The following BCLAF3 variants were observed in gnomAD, a reference collection of about 807,000 sequenced individuals.
The protein encoded by BCLAF3 is transient octamer binding factor 1.
BCLAF3 carries 24 observed loss-of-function variants against 51.2 expected under a neutral mutation model. The observed-to-expected ratio is 0.47, with a 90% CI of 0.34 to 0.66. The LOEUF is 0.66. Ranked by LOEUF, BCLAF3 falls within the 30% of genes least tolerant of loss-of-function variation. The pLI, the probability that BCLAF3 is intolerant of heterozygous loss-of-function variation, is 0.01. For missense variants in BCLAF3, 465 were observed against 525.1 expected, an observed-to-expected ratio of 0.89 and a Z score of 1.12; for synonymous variants, 152 against 176.6, an observed-to-expected ratio of 0.86 and a Z score of 1.10.
chrX:19,923,310 A>G (rs2070237062), intron 11 of BCLAF3: 2 of 122,068 alleles, frequency 1.6e-5, no homozygotes, highest in South Asian at 4.2e-4. Context: ...AGTGATGGAA[A>G]TGAGAAGACT....
In BCLAF3 at chrX:19,965,704, T is replaced by C; in HGVS notation, c.614A>G (p.Tyr205Cys). The change falls in exon 4 of 12, where the codon TAT becomes TGT. Residue 205 changes from tyrosine (Y) to cysteine (C), a missense_variant and splice_region_variant. By Grantham distance (194) the Tyr-to-Cys change is radical. Coordinates refer to ENST00000379682, the MANE Select transcript of BCLAF3 (RefSeq NM_001367774.2). ...TTTTCTGAAATCACGATCCTCAGGA[T>C]ACCTGTGTTGACATAAAGCAGTTTA... ...FETRSSFQKR[Y>C]PEDRDFRKYG... is the part of the protein sequence containing the mutation. 1 of 1,131,834 alleles carries C rather than the reference T, an allele frequency of 8.8e-7. No individual in the cohort carries two copies. Among genetic ancestry groups the C allele is most frequent in the African/African-American group, 1.8e-5 (1 of 54,974 alleles). 93.3% of individuals were successfully genotyped at this position (1,131,834 alleles called of 1,213,427 possible).
intron 3 of BCLAF3, 71 bp from the exon 4 acceptor site, chrX:19,965,777 C>A: frequency 2.0e-6 from 2 of 1,000,959 alleles, no homozygotes; most frequent in Middle Eastern, 2.7e-4. Context: ...TGTAGAATGT[C>A]GGGCAGCATG....
chrX:19,939,696 A>G (rs1373446855), intron 8 of BCLAF3, among the ~76,000 whole-genome samples: 1 of 112,522 alleles, frequency 8.9e-6, no homozygotes, highest in African/African-American at 3.2e-5. Flanking sequence ...AACAAAATGT[A>G]GTACAGCCAT....
At chrX:19,975,848 T>A (rs938904725) in intron 1 of BCLAF3, among the ~76,000 whole-genome samples, 6 of 111,566 alleles carry the variant, frequency 5.4e-5, no homozygotes, top group African/African-American at 2.0e-4. Flanking sequence ...GATTCCAGAA[T>A]ACTACACTTT....
intron 1 of BCLAF3, among the ~76,000 whole-genome samples, chrX:19,990,142 GAAAAAAAAA>G (rs376381001): frequency 2.0e-5 from 1 of 50,809 alleles, no homozygotes; most frequent in African/African-American, 7.3e-5. Context: ...TTTGTTCCAG[GAAAAAAAAA>G]AAAAAAAAAA....
rs763901384 is a variant in BCLAF3 at position 19,953,013 on chromosome X, T to G, written c.1604A>C (p.Gln535Pro). Residue 535 changes from glutamine to proline, a missense_variant, in exon 7 of 12, where the codon CAA becomes CCA. Transcript: ENST00000379682. Reference sequence around the variant, plus strand: ...CTGTTCCGATTCATAGATCACAGCTTGTTTACTCTGAAGCTCGGCCAAAGA... The same window carrying G: ...CTGTTCCGATTCATAGATCACAGCTGGTTTACTCTGAAGCTCGGCCAAAGA... The part of the protein sequence containing the change: ...DMSLAELQSK[Q>P]AVIYESEQTL... 1 of 1,208,842 alleles carries G rather than the reference T, an allele frequency of 8.3e-7. No homozygotes were observed. The highest frequency in any genetic ancestry group is 2.2e-5 in the Admixed American group (1 of 45,752).
intron 8 of BCLAF3, among the ~76,000 whole-genome samples, chrX:19,941,973 G>A (rs2071070574): frequency 1.7e-5 from 1 of 58,084 alleles, no homozygotes; most frequent in East Asian, 5.0e-4. Context: ...AGTTCTCCTT[G>A]AAGAGGTCCT....
chrX:19,941,207 C>T (rs1279803215), intron 8 of BCLAF3, among the ~76,000 whole-genome samples: 1 of 108,219 alleles, frequency 9.2e-6, no homozygotes, highest in Non-Finnish European at 1.9e-5. Context: ...AAAACTTTCT[C>T]CCATGTTGTA....
At chrX:19,970,101 A>G in intron 2 of BCLAF3, 123 bp downstream of exon 2, 1 of 561,649 alleles carries the variant, frequency 1.8e-6, no homozygotes, top group East Asian at 3.3e-5. Flanking sequence ...TACAACCTCC[A>G]CTATGATAAA....
intron 11 of BCLAF3, among the ~76,000 whole-genome samples, chrX:19,919,274 T>C (rs1414311772): frequency 8.9e-6 from 1 of 112,284 alleles, no homozygotes; most frequent in African/African-American, 3.2e-5. Context: ...ATTCCTACCA[T>C]ATTGATTTTC....
chrX:19,938,011 T>C (rs1391214411), intron 8 of BCLAF3, among the ~76,000 whole-genome samples: 1 of 111,250 alleles, frequency 9.0e-6, no homozygotes, highest in Non-Finnish European at 1.9e-5. Context: ...CTGGCAGAGC[T>C]GAGGCCTCTG....
intron 1 of BCLAF3, among the ~76,000 whole-genome samples, chrX:19,985,982 G>C (rs1012231392): frequency 1.8e-5 from 2 of 109,072 alleles, no homozygotes; most frequent in South Asian, 7.8e-4. Context: ...GATGAAAGTA[G>C]AAGAAAAGAA....
At chrX:19,940,631 T>C (rs2070988815) in intron 8 of BCLAF3, among the ~76,000 whole-genome samples, 1 of 109,776 alleles carries the variant, frequency 9.1e-6, no homozygotes, top group African/African-American at 3.3e-5. Context: ...TAGTATTCCA[T>C]GGTGTATATG....
chrX:19,931,870 T>A lies in BCLAF3; in HGVS notation c.1951-1930A>T, dbSNP rs183599590. Reference sequence around the variant, plus strand: ...CTACTCCTGATTTTGCCAATAGGAGTCTACCAAGATCCAGGAAAAAGGCTC... The same window carrying A: ...CTACTCCTGATTTTGCCAATAGGAGACTACCAAGATCCAGGAAAAAGGCTC... On this transcript the variant is annotated intron_variant, in intron 10 of 11. Transcript: ENST00000379682. Among the ~76,000 whole-genome samples the A allele has an allele frequency of 3.1e-3, 344 of 111,598 alleles. 2 individuals carry two copies. Among genetic ancestry groups the A allele is most frequent in the African/African-American group, 0.011 (331 of 30,707 alleles).
intron 1 of BCLAF3, among the ~76,000 whole-genome samples, chrX:19,986,796 G>GTTT (rs758844786): frequency 2.2e-5 from 2 of 91,201 alleles, no homozygotes; most frequent in African/African-American, 3.9e-5. Flanking sequence ...ACTTGAGTCG[G>GTTT]TTTTTTTTTT....
intron 4 of BCLAF3, among the ~76,000 whole-genome samples, chrX:19,957,804 A>C (rs986488896): frequency 1.8e-5 from 2 of 112,228 alleles, no homozygotes; most frequent in Non-Finnish European, 3.8e-5. Flanking sequence ...CATTTAACAT[A>C]GTATAACCTC....
chrX:19,988,876 A>G (rs966482458), intron 1 of BCLAF3, among the ~76,000 whole-genome samples: 13 of 111,866 alleles, frequency 1.2e-4, no homozygotes, highest in Non-Finnish European at 5.6e-5. Flanking sequence ...CCTCACCTAG[A>G]TAAGCTTTCT....
intron 11 of BCLAF3, among the ~76,000 whole-genome samples, chrX:19,927,482 A>C (rs886133931): frequency 8.9e-6 from 1 of 112,421 alleles, no homozygotes; most frequent in African/African-American, 3.2e-5. Flanking sequence ...TAAGTATTTA[A>C]GAAAACATTT....
At position 19,917,342 on chromosome X, in the gene BCLAF3, G is replaced by A; in HGVS notation, c.2107-8C>T. On this transcript the variant is annotated splice_polypyrimidine_tract_variant and splice_region_variant and intron_variant, in intron 11 of 11. Transcript: ENST00000379682. ...GGCAACATCTGTATATTCCTATTGA[G>A]AGAAAACAAGAGAAATAAAGACTTC... is the stretch of plus-strand genomic sequence containing the variant. The A allele has an allele frequency of 8.5e-7, 1 of 1,171,900 alleles. No individual in the cohort carries two copies. The highest frequency in any genetic ancestry group is 1.2e-6 in the Non-Finnish European group (1 of 865,057).
Sources: allele counts gnomAD v4.1 joint callset (sites outside exome capture counted in the v4.1 genomes callset), GRCh38; gene constraint gnomAD v4.1.1; transcripts MANE v1.5; gene names NCBI Gene and HGNC (gene_info 2026-07-23, HGNC 2026-07-21).